The following RIMS1 variants were observed in gnomAD, a reference collection of about 807,000 sequenced individuals.
RIMS1 encodes the protein regulating synaptic membrane exocytosis 1, also known as regulating synaptic membrane exocytosis protein 1.
RIMS1 carries 83 observed loss-of-function variants against 214.1 expected under a neutral mutation model. The observed-to-expected ratio is 0.39, with a 90% CI of 0.32 to 0.47. The LOEUF (loss-of-function observed/expected upper bound fraction) is 0.47, where lower values mean the gene tolerates loss of function less well. Among genes scored for constraint, RIMS1 ranks in the 20% least tolerant of loss-of-function variants. RIMS1 has a pLI of 0.99. For synonymous variants in RIMS1, 793 were observed against 786.8 expected, an observed-to-expected ratio of 1.01 and a Z score of -0.13; for missense variants, 2,050 against 2,161.8, an observed-to-expected ratio of 0.95 and a Z score of 1.03.
intron 1 of RIMS1, among the ~76,000 whole-genome samples, chr6:71,905,584 T>C (rs1775016729): frequency 7.4e-6 from 1 of 135,566 alleles, no homozygotes; most frequent in African/African-American, 2.5e-5. Flanking sequence ...ATTTTATCAA[T>C]TAAGCTACCT....
chr6:72,353,857 T>A (rs1391643505), intron 29 of RIMS1, among the ~76,000 whole-genome samples: 1 of 152,200 alleles, frequency 6.6e-6, no homozygotes, highest in Non-Finnish European at 1.5e-5. Context: ...GCTAACATTT[T>A]TCCTGTATAC....
At chr6:72,047,668 A>G (rs534140265) in intron 2 of RIMS1, among the ~76,000 whole-genome samples, 1 of 152,308 alleles carries the variant, frequency 6.6e-6, no homozygotes, top group South Asian at 2.1e-4. Flanking sequence ...TAGAGGACAT[A>G]CAAATAATCT....
intron 19 of RIMS1, chr6:72,263,048 C>T: frequency 1.1e-6 from 1 of 911,366 alleles, no homozygotes; most frequent in Non-Finnish European, 1.3e-6. Flanking sequence ...AAAATCAGAT[C>T]TATTTGATAT....
rs1207407061 is a variant in RIMS1, at chr6:72,155,294, C to T, written c.472-24281C>T. On this transcript the variant is annotated intron_variant, in intron 4 of 33. Coordinates refer to ENST00000521978, the MANE Select transcript of RIMS1 (RefSeq NM_014989.7). ...GCTCTGCTTCCCTTATAAAATCGAACGTCTTTAACAGCACCCAAGTTACCT... is the reference window on the plus strand; with the variant it reads ...GCTCTGCTTCCCTTATAAAATCGAATGTCTTTAACAGCACCCAAGTTACCT... Among the ~76,000 whole-genome samples, 2 of 139,978 alleles carry T rather than the reference C, an allele frequency of 1.4e-5. 1 individual carries two copies. Among genetic ancestry groups the T allele is most frequent in the Admixed American group, 1.5e-4 (2 of 13,664 alleles). The allele number at this position is 139,978 out of a possible 152,430, so 91.8% of individuals were successfully genotyped here. A position where few individuals can be genotyped will look rare whatever the true frequency, so the allele number is the denominator to read the frequency against.
At position 72,302,505 on chromosome 6, in the gene RIMS1, T is replaced by C. The variant is rs114621423; in HGVS notation, c.3851-4753T>C. 3.6e-3 allele frequency among the ~76,000 whole-genome samples: 544 copies of C among 151,704 alleles called. 4 individuals are homozygous for C. The highest frequency in any genetic ancestry group is 0.013 in the African/African-American group (532 of 41,496). On this transcript the variant is annotated intron_variant, in intron 26 of 33. Coordinates refer to ENST00000521978, the MANE Select transcript of RIMS1 (RefSeq NM_014989.7). ...TTCTTGTTAATCTCAGCTTTTTTTT[T>C]CCACTGCAGTCAATAACTGAAGCAT... is the stretch of plus-strand genomic sequence containing the variant.
rs559608258 is a variant in RIMS1, at chr6:72,312,172, T to G, written c.3964-1334T>G. ...CAAGACAGTTCAAATTCATTAAAAT[T>G]CCTCTGACATGGAACATCACAAAGG... On this transcript the variant is annotated intron_variant, in intron 27 of 33. Transcript: ENST00000521978. Among the ~76,000 whole-genome samples the G allele has an allele frequency of 1.2e-3, 182 of 152,334 alleles. 1 individual carries two copies. Among genetic ancestry groups the G allele is most frequent in the Non-Finnish European group, 2.3e-3 (154 of 68,030 alleles).
At chr6:72,372,741 C>G (rs566874253) in intron 29 of RIMS1, among the ~76,000 whole-genome samples, 2 of 152,294 alleles carry the variant, frequency 1.3e-5, no homozygotes, top group South Asian at 2.1e-4. Flanking sequence ...TAATCTTCAG[C>G]GATTGGTTTG....
intron 6 of RIMS1, among the ~76,000 whole-genome samples, chr6:72,196,603 T>TTTTTTTTTTTTTTTTTTTTTTA (rs780611745): frequency 2.3e-5 from 3 of 132,208 alleles, no homozygotes; most frequent in Non-Finnish European, 3.3e-5. Context: ...TTTTTTTTTT[T>TTTTTTTTTTTTTTTTTTTTTTA]ACCTATACAG....
chr6:72,254,518 T>C (rs1304855435), intron 16 of RIMS1, among the ~76,000 whole-genome samples: 1 of 152,214 alleles, frequency 6.6e-6, no homozygotes, highest in African/African-American at 2.4e-5. Context: ...AACAGGAATC[T>C]TAACTATTAG....
Position 72,183,082 on chromosome 6 carries a change from C to T in RIMS1, c.1611C>T (p.Gly537=), listed in dbSNP as rs1472528115. 1.9e-6 allele frequency: 3 copies of T among 1,591,734 alleles called. No homozygotes were observed. Among genetic ancestry groups the T allele is most frequent in the East Asian group, 4.6e-5 (2 of 43,908 alleles). ...QMSVSSSEEE[G]VSTPEYTSCE... is the part of the protein sequence containing the mutation. ...CGGTGAGCAGCTCTGAGGAGGAGGG[C>T]GTGTCGACGCCCGAGTACACCAGCT... The change falls in exon 6 of 34, where the codon GGC becomes GGT. Residue 537 remains glycine (G), a synonymous_variant. Coordinates refer to ENST00000521978, the MANE Select transcript of RIMS1 (RefSeq NM_014989.7).
rs187229528 is a variant in RIMS1 at position 72,123,834 on chromosome 6, C to T, written c.471+23848C>T. 7.3e-3 allele frequency among the ~76,000 whole-genome samples: 1,104 copies of T among 151,870 alleles called. 13 individuals are homozygous for T. Among genetic ancestry groups the T allele is most frequent in the African/African-American group, 0.024 (1,010 of 41,504 alleles). ...GTTTTCCATTTGCTTGGTAGATCTT[C>T]CTCCATCCTTTTATTTTGAGGCTAT... is the stretch of plus-strand genomic sequence containing the variant. On this transcript the variant is annotated intron_variant, in intron 4 of 33. Coordinates refer to ENST00000521978, the MANE Select transcript of RIMS1 (RefSeq NM_014989.7).
intron 29 of RIMS1, among the ~76,000 whole-genome samples, chr6:72,374,135 G>A (rs2048656588): frequency 1.3e-5 from 2 of 152,064 alleles, no homozygotes; most frequent in African/African-American, 2.4e-5. Flanking sequence ...GGATGGTCTC[G>A]ATCTCTTGAC....
intron 2 of RIMS1, among the ~76,000 whole-genome samples, chr6:72,022,928 A>C (rs1402981700): frequency 6.6e-6 from 1 of 152,170 alleles, no homozygotes; most frequent in Non-Finnish European, 1.5e-5. Flanking sequence ...TTGAAAGATG[A>C]TTTTTATAAG....
chr6:72,274,501 C>A (rs1591549941), intron 23 of RIMS1, 69 bp downstream of exon 23: 1 of 1,240,694 alleles, frequency 8.1e-7, no homozygotes, highest in Non-Finnish European at 1.2e-6. Context: ...TGAAGGATAA[C>A]CAAGAGAAAA....
At chr6:71,901,915 C>G (rs1773753549) in intron 1 of RIMS1, among the ~76,000 whole-genome samples, 1 of 151,890 alleles carries the variant, frequency 6.6e-6, no homozygotes, top group African/African-American at 2.4e-5. Context: ...ATGGGGTCAG[C>G]ACTAGATTGG....
rs532929251 is a variant in RIMS1, at chr6:72,142,664, T to A, written c.472-36911T>A. Among the ~76,000 whole-genome samples, 4 of 152,122 alleles carry A rather than the reference T, an allele frequency of 2.6e-5. 1 individual carries two copies. Among genetic ancestry groups the A allele is most frequent in the Non-Finnish European group, 5.9e-5 (4 of 67,962 alleles). On this transcript the variant is annotated intron_variant, in intron 4 of 33. Transcript: ENST00000521978. ...CCAGCTTAAAATTAAGCAGCAATCA[T>A]CTTGCAATGACAGTTGTTTCTGCTT...
At position 71,886,755 on chromosome 6, in the gene RIMS1, G is replaced by C; in HGVS notation, c.-269G>C. 3.6e-6 allele frequency: 1 copy of C among 274,160 alleles called. No homozygotes were observed. The highest frequency in any genetic ancestry group is 6.8e-6 in the Non-Finnish European group (1 of 146,834). The allele number at this position is 274,160 out of a possible 1,614,324, so 17.0% of individuals were successfully genotyped here. A position where few individuals can be genotyped will look rare whatever the true frequency, so the allele number is the denominator to read the frequency against. ...CCCCCGCCGGCCGAGGCTGGGCTGC[G>C]GGAGGCGGCCGGGCGGCCCCGAGCT... On this transcript the variant is annotated 5_prime_UTR_variant, in exon 1 of 34. Transcript: ENST00000521978.
At chr6:72,098,662 C>A (rs2153806560) in intron 3 of RIMS1, among the ~76,000 whole-genome samples, 2 of 152,210 alleles carry the variant, frequency 1.3e-5, no homozygotes, top group Middle Eastern at 3.4e-3. Context: ...GATAACTTCT[C>A]TGAACAGTTT....
intron 2 of RIMS1, among the ~76,000 whole-genome samples, chr6:72,093,736 C>T (rs555862270): frequency 6.6e-6 from 1 of 151,974 alleles, no homozygotes; most frequent in African/African-American, 2.4e-5. Flanking sequence ...TTTATTTTAA[C>T]TCTTATCTTC....
Sources: gnomAD v4.1 joint callset for allele counts (sites outside exome capture counted in the v4.1 genomes callset) on GRCh38, gnomAD v4.1.1 for gene constraint, MANE v1.5 for transcripts, NCBI Gene and HGNC (gene_info 2026-07-23, HGNC 2026-07-21) for gene names.